Variants in CDH13 observed in about 807,000 individuals in gnomAD.
CDH13 encodes cadherin 13, also known as cadherin-13.
In CDH13, 24 loss-of-function variants were observed where a neutral mutation model predicts 63.8. The ratio of observed to expected loss-of-function variants is 0.38; its 90% CI spans 0.27 to 0.53. CDH13 has a LOEUF of 0.53. Ranked by LOEUF, CDH13 falls within the 20% of genes least tolerant of loss-of-function variation. The probability of loss-of-function intolerance (pLI) is 0.85; values close to 1 mark genes in which losing one functional copy is unlikely to be tolerated. For missense variants in CDH13, 1,049 were observed against 903.1 expected, an observed-to-expected ratio of 1.16 and a Z score of -2.07; for synonymous variants, 503 against 355.3, an observed-to-expected ratio of 1.42 and a Z score of -4.67.
intron 6 of CDH13, among the ~76,000 whole-genome samples, chr16:83,363,660 G>A (rs1409010509): frequency 2.0e-5 from 3 of 152,188 alleles, no homozygotes; most frequent in African/African-American, 7.2e-5. Context: ...AGGCATGTCA[G>A]TTTCCAAGAT....
At chr16:83,175,054 C>A (rs72800281) in intron 4 of CDH13, among the ~76,000 whole-genome samples, 24,316 of 152,014 alleles carry the variant, frequency 0.16, 2,068 homozygotes, top group South Asian at 0.19. Flanking sequence ...ATGCTAGCCA[C>A]ATTTCAAATC....
At chr16:83,362,929 G>A (rs902853034) in intron 6 of CDH13, among the ~76,000 whole-genome samples, 5 of 152,206 alleles carry the variant, frequency 3.3e-5, no homozygotes, top group East Asian at 1.9e-4. Flanking sequence ...AAGTGTGCAC[G>A]TTAAGAAGCT....
intron 10 of CDH13, among the ~76,000 whole-genome samples, chr16:83,692,496 G>A (rs990040990): frequency 1.6e-4 from 24 of 152,294 alleles, no homozygotes; most frequent in African/African-American, 4.6e-4. Context: ...TACAGACTCC[G>A]TCTGTCCCGG....
intron 3 of CDH13, among the ~76,000 whole-genome samples, chr16:83,112,330 T>G (rs1425710648): frequency 6.6e-6 from 1 of 152,184 alleles, no homozygotes; most frequent in South Asian, 2.1e-4. Context: ...CCAGGCTCCA[T>G]CTATCCTAAA....
At chr16:82,642,211 A>G (rs1396543338) in intron 1 of CDH13, among the ~76,000 whole-genome samples, 2 of 151,896 alleles carry the variant, frequency 1.3e-5, no homozygotes, top group South Asian at 2.1e-4. Context: ...TGTCTGGAAT[A>G]TTTCTGAATT....
Position 83,592,387 on chromosome 16 carries a change from A to G in CDH13, c.961-10067A>G, listed in dbSNP as rs541000714. On this transcript the variant is annotated intron_variant, in intron 7 of 13. Coordinates refer to ENST00000567109, the MANE Select transcript of CDH13 (RefSeq NM_001257.5). Reference sequence around the variant, plus strand: ...GAAATGCACCAAAAGCAGAGTCTGTATCATTTATCACATCCTAGCAGTTAT... The same window carrying G: ...GAAATGCACCAAAAGCAGAGTCTGTGTCATTTATCACATCCTAGCAGTTAT... Among the ~76,000 whole-genome samples the G allele has an allele frequency of 2.6e-5, 4 of 152,358 alleles. No individual in the cohort carries two copies. In the South Asian group the frequency reaches 6.2e-4, roughly 24 times the overall value.
At chr16:83,173,510 A>T (rs2038006991) in intron 4 of CDH13, among the ~76,000 whole-genome samples, 1 of 152,028 alleles carries the variant, frequency 6.6e-6, no homozygotes, top group Admixed American at 6.6e-5. Flanking sequence ...TTGCCAGACA[A>T]AATACAAGAC....
intron 7 of CDH13, among the ~76,000 whole-genome samples, chr16:83,505,842 T>C (rs1318571260): frequency 6.6e-6 from 1 of 152,178 alleles, no homozygotes; most frequent in Non-Finnish European, 1.5e-5. Context: ...AGGAAGCAGA[T>C]TGTGAGCTGC....
At chr16:83,150,094 G>C (rs1412958181) in intron 4 of CDH13, among the ~76,000 whole-genome samples, 1 of 152,108 alleles carries the variant, frequency 6.6e-6, no homozygotes. Flanking sequence ...AGAGAGGTTT[G>C]TAAGCTTGTC....
intron 1 of CDH13, among the ~76,000 whole-genome samples, chr16:82,842,567 T>A (rs2151135268): frequency 6.6e-6 from 1 of 152,246 alleles, no homozygotes; most frequent in East Asian, 1.9e-4. Context: ...TCTATTTTGC[T>A]GTTTCTATGA....
At position 82,719,245 on chromosome 16, in the gene CDH13, C is replaced by T. The variant is rs538563534; in HGVS notation, c.45+92108C>T. The T allele has an allele frequency of 2.1e-4, 75 of 359,738 alleles. 1 individual carries two copies. The highest frequency in any genetic ancestry group is 1.4e-3 in the African/African-American group (68 of 47,410). 22.3% of individuals were successfully genotyped at this position (359,738 alleles called of 1,614,324 possible). On this transcript the variant is annotated intron_variant, in intron 1 of 13. Transcript: ENST00000567109. ...TTCCACGAGCAGGAACCTCACATCA[C>T]TGCCATTGGCCTGTAATATAATTTT...
intron 11 of CDH13, among the ~76,000 whole-genome samples, chr16:83,777,694 C>T (rs1173887315): frequency 6.6e-6 from 1 of 152,204 alleles, no homozygotes. Context: ...AAGAGGTCTC[C>T]TTGCTTCTTT....
At chr16:82,911,687 G>A (rs1010221929) in intron 2 of CDH13, among the ~76,000 whole-genome samples, 4 of 152,118 alleles carry the variant, frequency 2.6e-5, no homozygotes, top group Non-Finnish European at 4.4e-5. Flanking sequence ...ACAGCACCTG[G>A]TAAACATGGG....
chr16:83,575,035 G>C (rs573314453), intron 7 of CDH13, among the ~76,000 whole-genome samples: 2 of 152,274 alleles, frequency 1.3e-5, no homozygotes, highest in South Asian at 4.2e-4. Flanking sequence ...AAATGGGCCT[G>C]TCCATACAAT....
At chr16:83,221,623 G>A (rs2151793106) in intron 5 of CDH13, among the ~76,000 whole-genome samples, 1 of 151,644 alleles carries the variant, frequency 6.6e-6, no homozygotes, top group East Asian at 1.9e-4. Flanking sequence ...GAGTGGAGTG[G>A]GAGACCATCT....
chr16:83,269,213 T>A (rs1016304199), intron 5 of CDH13, among the ~76,000 whole-genome samples: 9 of 152,220 alleles, frequency 5.9e-5, no homozygotes, highest in Admixed American at 5.9e-4. Context: ...ATAGTTTGCA[T>A]AATTGCAGAG....
chr16:82,676,505 T>C (rs1913924182), intron 1 of CDH13, among the ~76,000 whole-genome samples: 1 of 149,630 alleles, frequency 6.7e-6, no homozygotes, highest in Non-Finnish European at 1.5e-5. Context: ...TTTTTTTTTT[T>C]TTGCCTTGAA....
intron 1 of CDH13, among the ~76,000 whole-genome samples, chr16:82,747,486 A>G (rs1009885502): frequency 9.2e-5 from 14 of 152,208 alleles, no homozygotes; most frequent in African/African-American, 3.1e-4. Flanking sequence ...TGCTTCTCAA[A>G]GTATGGTCCC....
intron 10 of CDH13, among the ~76,000 whole-genome samples, chr16:83,697,658 T>C (rs1379424962): frequency 2.0e-5 from 3 of 152,148 alleles, no homozygotes; most frequent in Non-Finnish European, 4.4e-5. Context: ...CCGAGAGCAA[T>C]GGTTTTTGAG....
Sources: gnomAD v4.1 joint callset for allele counts (sites outside exome capture counted in the v4.1 genomes callset) on GRCh38, gnomAD v4.1.1 for gene constraint, MANE v1.5 for transcripts, NCBI Gene and HGNC (gene_info 2026-07-23, HGNC 2026-07-21) for gene names.